Variants in SENP2 observed in about 807,000 individuals in gnomAD.
SENP2 encodes sentrin-specific protease 2.
SENP2 carries 16 observed loss-of-function variants against 86.3 expected under a neutral mutation model. The observed-to-expected ratio is 0.19, with a 90% CI of 0.13 to 0.28. The LOEUF is 0.28. Among genes scored for constraint, SENP2 ranks in the 10% least tolerant of loss-of-function variants. SENP2 has a pLI of 1.00. For missense variants in SENP2, 552 were observed against 703.0 expected, an observed-to-expected ratio of 0.79 and a Z score of 2.43; for synonymous variants, 222 against 238.7, an observed-to-expected ratio of 0.93 and a Z score of 0.64.
rs780375353 is a variant in SENP2 at position 185,614,673 on chromosome 3, C to A, written c.1043C>A (p.Thr348Lys). 20 of 1,614,032 alleles carry A rather than the reference C, an allele frequency of 1.2e-5. No individual in the cohort carries two copies. Among genetic ancestry groups the A allele is most frequent in the Non-Finnish European group, 1.7e-5 (20 of 1,180,020 alleles). The change falls in exon 11 of 17, where the codon ACA becomes AAA. Residue 348 changes from threonine to lysine, a missense_variant. Physicochemically the swap from Thr to Lys is moderately conservative, Grantham distance 78. This residue lies in a region of SENP2 where 383 missense variants were observed against 427.3 expected (regional missense o/e 0.90). Transcript: ENST00000296257. ...LLRRKVSIIE[T>K]KEKNCSGKER... is the part of the protein sequence containing the mutation. ...AGGAGGAAAGTGTCAATAATTGAGA[C>A]AAAGGAAAAGAATTGCTCAGGCAAA...
At position 185,629,861 on chromosome 3, in the gene SENP2, C is replaced by T. The variant is rs917075300; in HGVS notation, c.*17C>T. ...TTGCTGTGAGAAAACTTTGCCTGGT[C>T]CCTCTAGCTGCTGGTGGTTCTTTCA... is the stretch of plus-strand genomic sequence containing the variant. On this transcript the variant is annotated 3_prime_UTR_variant, in exon 17 of 17. Transcript: ENST00000296257. The T allele has an allele frequency of 2.0e-5, 32 of 1,612,700 alleles. No individual in the cohort carries two copies. Among genetic ancestry groups the T allele is most frequent in the Non-Finnish European group, 2.6e-5 (31 of 1,178,910 alleles).
chr3:185,621,995 G>A (rs1711911657), intron 14 of SENP2, 90 bp downstream of exon 14: 4 of 761,870 alleles, frequency 5.3e-6, no homozygotes, highest in African/African-American at 3.5e-5. Flanking sequence ...GTAGTCTAAT[G>A]TGTAGTTAAG....
chr3:185,615,822 T>G (rs376792154), intron 11 of SENP2, among the ~76,000 whole-genome samples: 16 of 152,154 alleles, frequency 1.1e-4, no homozygotes, highest in East Asian at 7.7e-4. Flanking sequence ...TCAAAAAGGA[T>G]GGTGTGACCC....
chr3:185,619,154 C>G lies in SENP2; in HGVS notation c.1243-145C>G. On this transcript the variant is annotated intron_variant, in intron 12 of 16. Coordinates refer to ENST00000296257, the MANE Select transcript of SENP2 (RefSeq NM_021627.3). ...CATGTGTCCCATTTTGCACTGATCA[C>G]TTTTTTCCCTGTCTTCTACTATAGA... The G allele has an allele frequency of 6.3e-6, 4 of 639,504 alleles. No homozygotes were observed. In the Admixed American group the frequency reaches 1.2e-4, roughly 19 times the overall value. The allele number at this position is 639,504 out of a possible 1,614,324, so 39.6% of individuals were successfully genotyped here. A position where few individuals can be genotyped will look rare whatever the true frequency, so the allele number is the denominator to read the frequency against.
rs1712510107 is a variant in SENP2, at chr3:185,632,224, G to GTTTTTTTGT, written c.*2387_*2388insGTTTTTTTT. 1.4e-5 allele frequency: 1 copy of GTTTTTTTGT among 71,902 alleles called. No homozygotes were observed. The highest frequency in any genetic ancestry group is 2.9e-5 in the Non-Finnish European group (1 of 34,116). 4.5% of individuals were successfully genotyped at this position (71,902 alleles called of 1,614,324 possible). ...CATTAAAGCCAGTGGTTTTTTTTTT[G>GTTTTTTTGT]TTTTTTTTTTTTGTTTTTTTTTTTT... On this transcript the variant is annotated 3_prime_UTR_variant, in exon 17 of 17. Transcript: ENST00000296257.
chr3:185,621,530 C>T (rs1291512653), intron 13 of SENP2, among the ~76,000 whole-genome samples: 1 of 151,268 alleles, frequency 6.6e-6, no homozygotes, highest in East Asian at 2.0e-4. Flanking sequence ...GCTAGGATTA[C>T]AGGCGCGTGC....
At chr3:185,597,573 C>T (rs1183564673) in intron 2 of SENP2, among the ~76,000 whole-genome samples, 5 of 151,526 alleles carry the variant, frequency 3.3e-5, no homozygotes, top group African/African-American at 7.3e-5. Context: ...AGGATGTTCT[C>T]GATCTCCTGA....
chr3:185,597,233 T>G (rs1245920312), intron 2 of SENP2, among the ~76,000 whole-genome samples: 1 of 152,174 alleles, frequency 6.6e-6, no homozygotes, highest in Non-Finnish European at 1.5e-5. Context: ...TGTGTGTGAA[T>G]CAGTATGGAT....
intron 2 of SENP2, among the ~76,000 whole-genome samples, chr3:185,591,508 T>C (rs1392180202): frequency 6.6e-6 from 1 of 151,228 alleles, no homozygotes; most frequent in Non-Finnish European, 1.5e-5. Context: ...CCCGCCATCA[T>C]GCCCGGCTAA....
intron 3 of SENP2, 148 bp downstream of exon 3, chr3:185,598,693 A>G (rs1722253194): frequency 6.2e-6 from 5 of 801,634 alleles, no homozygotes; most frequent in Non-Finnish European, 5.7e-6. Context: ...AAAGGCCAAG[A>G]AATTAAAGGT....
intron 11 of SENP2, among the ~76,000 whole-genome samples, chr3:185,615,384 C>G (rs1711559574): frequency 6.6e-6 from 1 of 152,198 alleles, no homozygotes; most frequent in Non-Finnish European, 1.5e-5. Flanking sequence ...GCTCTTGTTG[C>G]CCAGGCTGGA....
Position 185,608,995 on chromosome 3 carries a change from G to T in SENP2, c.619-252G>T, listed in dbSNP as rs1270546946. On this transcript the variant is annotated intron_variant, in intron 6 of 16. Transcript: ENST00000296257. Reference sequence around the variant, plus strand: ...AAAACCTAGATGCCATCAGAATTTAGCAGATAACATGAATAAAGTGGGCTG... The same window carrying T: ...AAAACCTAGATGCCATCAGAATTTATCAGATAACATGAATAAAGTGGGCTG... 1.3e-5 allele frequency: 4 copies of T among 298,866 alleles called. No individual in the cohort carries two copies. The South Asian group carries it at 3.3e-4, about 24-fold the overall frequency. 18.5% of individuals were successfully genotyped at this position (298,866 alleles called of 1,614,324 possible). A position where few individuals can be genotyped will look rare whatever the true frequency, so the allele number is the denominator to read the frequency against.
At chr3:185,598,662 T>C in intron 3 of SENP2, 117 bp downstream of exon 3, 1 of 1,048,986 alleles carries the variant, frequency 9.5e-7, no homozygotes, top group Non-Finnish European at 1.4e-6. Flanking sequence ...GAAATATCTG[T>C]ATCTTTATTA....
At chr3:185,602,911 CTTTTT>C (rs748676466) in intron 5 of SENP2, among the ~76,000 whole-genome samples, 1 of 105,732 alleles carries the variant, frequency 9.5e-6, no homozygotes, top group South Asian at 3.3e-4. Context: ...TTACACGTTA[CTTTTT>C]TTTTTTTTTT....
At chr3:185,620,700 C>A (rs1454983844) in intron 13 of SENP2, among the ~76,000 whole-genome samples, 1 of 151,466 alleles carries the variant, frequency 6.6e-6, no homozygotes, top group Non-Finnish European at 1.5e-5. Flanking sequence ...ACCTCAGCCT[C>A]CCAAAGTGCT....
chr3:185,593,894 A>G (rs951511605), intron 2 of SENP2, among the ~76,000 whole-genome samples: 3 of 151,790 alleles, frequency 2.0e-5, no homozygotes. Context: ...ATGCCCGGCT[A>G]ATTTTTGTGT....
At chr3:185,621,342 A>AAAT (rs1711869265) in intron 13 of SENP2, among the ~76,000 whole-genome samples, 1 of 149,432 alleles carries the variant, frequency 6.7e-6, no homozygotes, top group South Asian at 2.1e-4. Flanking sequence ...AAAAAAAAAA[A>AAAT]AATACATGTA....
chr3:185,623,598 C>T (rs768864814), intron 14 of SENP2, among the ~76,000 whole-genome samples: 48 of 151,942 alleles, frequency 3.2e-4, no homozygotes, highest in South Asian at 1.9e-3. Context: ...CTGAGGCAGG[C>T]GGGATCACAG....
chr3:185,627,131 T>C (rs1476526906), intron 16 of SENP2, among the ~76,000 whole-genome samples: 2 of 151,840 alleles, frequency 1.3e-5, no homozygotes, highest in Non-Finnish European at 2.9e-5. Flanking sequence ...GCTATTCTTA[T>C]TGCTGTAAAT....
Sources: gnomAD v4.1 joint callset for allele counts (sites outside exome capture counted in the v4.1 genomes callset) on GRCh38, gnomAD v4.1.1 for gene constraint, gnomAD v4.1.1 regional missense constraint, MANE v1.5 for transcripts, NCBI Gene and HGNC (gene_info 2026-07-23, HGNC 2026-07-21) for gene names.